The following ABTB2 variants were observed in gnomAD, a reference collection of about 807,000 sequenced individuals.
The protein encoded by ABTB2 is ankyrin repeat and BTB/POZ domain-containing protein 2.
Under a neutral mutation model 104.1 loss-of-function variants are expected in ABTB2, and 56 were observed. The observed-to-expected ratio is 0.54, with a 90% confidence interval of 0.43 to 0.67. The LOEUF is 0.67. Among genes scored for constraint, ABTB2 ranks in the 30% least tolerant of loss-of-function variants. The pLI, the probability that ABTB2 is intolerant of heterozygous loss-of-function variation, is 0.00. For synonymous variants in ABTB2, 606 were observed against 608.2 expected (o/e 1.00, Z 0.05); for missense variants, 1,279 against 1,407.7 (o/e 0.91, Z 1.46).
At chr11:34,355,016 C>T (rs1356247149) in intron 1 of ABTB2, among the ~76,000 whole-genome samples, 2 of 152,210 alleles carry the variant, frequency 1.3e-5, no homozygotes, top group Non-Finnish European at 2.9e-5. Flanking sequence ...GCAGCTGTGA[C>T]ATCATCAACT....
intron 1 of ABTB2, among the ~76,000 whole-genome samples, chr11:34,305,182 G>C (rs1854756418): frequency 6.6e-6 from 1 of 152,122 alleles, no homozygotes; most frequent in African/African-American, 2.4e-5. Flanking sequence ...TGCATCCCCA[G>C]GTTTAAATCA....
At chr11:34,270,340 CTTTTTTT>C (rs35884906) in intron 1 of ABTB2, among the ~76,000 whole-genome samples, 1 of 137,422 alleles carries the variant, frequency 7.3e-6, no homozygotes, top group Non-Finnish European at 1.6e-5. Flanking sequence ...GACGGTTTTC[CTTTTTTT>C]TTTTTTTTTT....
In ABTB2 at chr11:34,159,291, C is replaced by T; in HGVS notation, c.2697+5G>A. On this transcript the variant is annotated splice_donor_5th_base_variant and intron_variant, in intron 14 of 16. Transcript: ENST00000435224. Reference sequence around the variant, plus strand: ...GAGAAGAGGGCGGCACCAAGACCCACACACCTGAAAAATGTGGTACTTCAT... The same window carrying T: ...GAGAAGAGGGCGGCACCAAGACCCATACACCTGAAAAATGTGGTACTTCAT... 1 of 1,612,408 alleles carries T rather than the reference C, an allele frequency of 6.2e-7. No homozygotes were observed. Among genetic ancestry groups the T allele is most frequent in the African/African-American group, 1.3e-5 (1 of 75,004 alleles).
intron 1 of ABTB2, among the ~76,000 whole-genome samples, chr11:34,258,916 T>C (rs1174294342): frequency 6.6e-6 from 1 of 152,188 alleles, no homozygotes; most frequent in Non-Finnish European, 1.5e-5. Context: ...TGCCTGCTCT[T>C]GTTAGGGAAG....
rs754239852 is a variant in ABTB2, at chr11:34,170,947, C to T, written c.1522G>A (p.Glu508Lys). 26 of 1,614,140 alleles carry T rather than the reference C, an allele frequency of 1.6e-5. No individual in the cohort carries two copies. In the East Asian group the frequency reaches 4.2e-4, roughly 26 times the overall value. Reference sequence around the variant, plus strand: ...TTAACCCCATCCGGACCCAAGGCCTCGATGGCTTGGTTGATGAGGTCCGTC... The same window carrying T: ...TTAACCCCATCCGGACCCAAGGCCTTGATGGCTTGGTTGATGAGGTCCGTC... Reference protein sequence around the residue: ...GRTDLINQAIEALGPDGVNTM... With the variant: ...GRTDLINQAIKALGPDGVNTM... Residue 508 changes from glutamate (E) to lysine (K), a missense_variant, in exon 5 of 17, where the codon GAG becomes AAG. Coordinates refer to ENST00000435224, the MANE Select transcript of ABTB2 (RefSeq NM_145804.3).
chr11:34,309,640 C>A (rs964424862), intron 1 of ABTB2, among the ~76,000 whole-genome samples: 18 of 151,040 alleles, frequency 1.2e-4, no homozygotes, highest in African/African-American at 3.9e-4. Flanking sequence ...TTGACATCAC[C>A]AATAATGAGT....
At chr11:34,160,776 T>C in intron 11 of ABTB2, 127 bp downstream of exon 11, 1 of 987,302 alleles carries the variant, frequency 1.0e-6, no homozygotes. Flanking sequence ...GGCAGGCGTG[T>C]GAGTGTGTGT....
chr11:34,240,712 C>T (rs932909988), intron 1 of ABTB2, among the ~76,000 whole-genome samples: 7 of 152,204 alleles, frequency 4.6e-5, no homozygotes, highest in African/African-American at 1.7e-4. Context: ...CCTGCTTCAG[C>T]CTCCTGAATA....
intron 1 of ABTB2, among the ~76,000 whole-genome samples, chr11:34,234,186 C>T (rs79182613): frequency 5.9e-5 from 9 of 152,218 alleles, no homozygotes; most frequent in African/African-American, 1.7e-4. Context: ...AGGGTAAGAG[C>T]GTCTCCCTGG....
At chr11:34,321,059 G>A (rs928377409) in intron 1 of ABTB2, among the ~76,000 whole-genome samples, 2 of 152,198 alleles carry the variant, frequency 1.3e-5, no homozygotes, top group African/African-American at 4.8e-5. Context: ...GCGCATGCCT[G>A]TAATCCCAGC....
At chr11:34,274,074 C>G (rs1038587679) in intron 1 of ABTB2, among the ~76,000 whole-genome samples, 4 of 144,936 alleles carry the variant, frequency 2.8e-5, no homozygotes, top group African/African-American at 1.0e-4. Flanking sequence ...ATGGCGTGAA[C>G]CCGGGAAGCG....
chr11:34,270,850 C>T (rs906600126), intron 1 of ABTB2, among the ~76,000 whole-genome samples: 9 of 152,172 alleles, frequency 5.9e-5, no homozygotes, highest in South Asian at 2.1e-4. Flanking sequence ...GGGTTTTCTT[C>T]GTTTTTTTAA....
chr11:34,272,737 C>CAAAAAAAA, intron 1 of ABTB2, among the ~76,000 whole-genome samples: 5 of 138,202 alleles, frequency 3.6e-5, no homozygotes, highest in African/African-American at 1.4e-4. Flanking sequence ...AAAAACCAAC[C>CAAAAAAAA]AACCATACAC....
chr11:34,287,958 G>C (rs1341806177), intron 1 of ABTB2, among the ~76,000 whole-genome samples: 1 of 152,190 alleles, frequency 6.6e-6, no homozygotes, highest in Non-Finnish European at 1.5e-5. Context: ...ATGATGGCCA[G>C]AGATGATCAA....
At chr11:34,245,199 A>T (rs1389765289) in intron 1 of ABTB2, among the ~76,000 whole-genome samples, 1 of 152,114 alleles carries the variant, frequency 6.6e-6, no homozygotes, top group Non-Finnish European at 1.5e-5. Flanking sequence ...AAAACTTCCA[A>T]GGTCAGAAGG....
intron 3 of ABTB2, among the ~76,000 whole-genome samples, chr11:34,181,553 C>T (rs1344598322): frequency 6.6e-6 from 1 of 152,216 alleles, no homozygotes; most frequent in Admixed American, 6.5e-5. Flanking sequence ...CTTCTCCATC[C>T]ACCCAGGAGG....
chr11:34,256,549 G>C (rs912491462), intron 1 of ABTB2, among the ~76,000 whole-genome samples: 3 of 152,186 alleles, frequency 2.0e-5, no homozygotes, highest in African/African-American at 7.2e-5. Flanking sequence ...TGACCTTCCA[G>C]TTGTAGGGGG....
At chr11:34,294,790 A>AC (rs11383129) in intron 1 of ABTB2, among the ~76,000 whole-genome samples, 76,643 of 150,940 alleles carry the variant, frequency 0.51, 20,724 homozygotes, top group African/African-American at 0.7. Context: ...ATCTCAGCTC[A>AC]TGTAACCTCC....
intron 1 of ABTB2, among the ~76,000 whole-genome samples, chr11:34,209,353 T>A (rs1345155080): frequency 7.0e-6 from 1 of 143,310 alleles, no homozygotes. Context: ...AAAAAAAAAC[T>A]TTTTTTTTCC....
Sources: gnomAD v4.1 joint callset for allele counts (sites outside exome capture counted in the v4.1 genomes callset) on GRCh38, gnomAD v4.1.1 for gene constraint, MANE v1.5 for transcripts, NCBI Gene and HGNC (gene_info 2026-07-23, HGNC 2026-07-21) for gene names.